SNTG1: variants seen among roughly 807,000 people sequenced by gnomAD.
SNTG1 encodes the protein syntrophin gamma 1, also known as gamma-1-syntrophin.
Under a neutral mutation model 74.7 loss-of-function variants are expected in SNTG1, and 39 were observed. The ratio of observed to expected loss-of-function variants is 0.52; its 90% CI spans 0.40 to 0.68. SNTG1 has a LOEUF of 0.68. SNTG1 is among the 30% of genes least tolerant of loss of function. The pLI, the probability that SNTG1 is intolerant of heterozygous loss-of-function variation, is 0.00. For missense variants in SNTG1, 685 were observed against 609.5 expected (o/e 1.12, Z -1.30); for synonymous variants, 254 against 217.1 (o/e 1.17, Z -1.49).
intron 2 of SNTG1, chr8:50,286,868 G>T (rs1460613390): frequency 1.3e-5 from 2 of 152,178 alleles, no homozygotes; most frequent in African/African-American, 4.8e-5. Context: ...TCTGCCCCAT[G>T]ACTCAGCTGA....
chr8:49,951,873 C>CAAAAAAAAAAAAAAAAAAAAAAA (rs5891338), intron 1 of SNTG1, among the ~76,000 whole-genome samples: 15 of 56,300 alleles, frequency 2.7e-4, no homozygotes, highest in Non-Finnish European at 3.0e-4. Context: ...GGAAAATTCA[C>CAAAAAAAAAAAAAAAAAAAAAAA]AAAAAAAAAA....
chr8:50,332,508 A>T (rs964970705), intron 2 of SNTG1, among the ~76,000 whole-genome samples: 5 of 152,080 alleles, frequency 3.3e-5, no homozygotes, highest in Admixed American at 3.3e-4. Flanking sequence ...GTGTGAATCA[A>T]GTTTGTTTGG....
chr8:50,096,429 G>A (rs2079932878), intron 1 of SNTG1, among the ~76,000 whole-genome samples: 2 of 152,154 alleles, frequency 1.3e-5, no homozygotes, highest in Admixed American at 6.6e-5. Flanking sequence ...TGTGAAGGAG[G>A]CGATGGGGAA....
intron 1 of SNTG1, among the ~76,000 whole-genome samples, chr8:50,032,225 T>C (rs1817797233): frequency 6.6e-6 from 1 of 152,094 alleles, no homozygotes; most frequent in Non-Finnish European, 1.5e-5. Context: ...ATTCTATTGA[T>C]ATTTCTGGAA....
intron 18 of SNTG1, among the ~76,000 whole-genome samples, chr8:50,792,022 G>A (rs569522528): frequency 6.6e-6 from 1 of 150,562 alleles, no homozygotes; most frequent in South Asian, 2.1e-4. Flanking sequence ...ATTTCCTTTG[G>A]TATTTAAATG....
chr8:50,200,539 C>T (rs935299922), intron 2 of SNTG1, among the ~76,000 whole-genome samples: 1 of 152,146 alleles, frequency 6.6e-6, no homozygotes, highest in Admixed American at 6.5e-5. Context: ...TCTCTGCTCT[C>T]TCTTAAAATC....
intron 15 of SNTG1, among the ~76,000 whole-genome samples, chr8:50,681,298 A>T (rs777123500): frequency 5.9e-5 from 9 of 151,734 alleles, no homozygotes; most frequent in Non-Finnish European, 1.0e-4. Flanking sequence ...GTTTTTTTTT[A>T]AATGTCATTT....
intron 5 of SNTG1, among the ~76,000 whole-genome samples, chr8:50,445,663 C>G (rs1417061705): frequency 1.3e-5 from 2 of 152,152 alleles, no homozygotes; most frequent in East Asian, 3.9e-4. Flanking sequence ...TGCTTTAGAA[C>G]ACTGCCTTCC....
rs772853399 is a variant in SNTG1 at position 50,530,163 on chromosome 8, T to G, written c.467-14T>G. The G allele has an allele frequency of 3.1e-6, 5 of 1,612,736 alleles. No individual in the cohort carries two copies. Among genetic ancestry groups the G allele is most frequent in the Non-Finnish European group, 4.2e-6 (5 of 1,178,912 alleles). ...ATTCTCACCAGTGGAATGTTATGAT[T>G]TTGTCTCCTGCAGGTGCTCCAAGTG... On this transcript the variant is annotated splice_polypyrimidine_tract_variant and intron_variant, in intron 9 of 18. Transcript: ENST00000642720.
chr8:49,971,628 T>C (rs994142383), intron 1 of SNTG1, among the ~76,000 whole-genome samples: 1 of 152,074 alleles, frequency 6.6e-6, no homozygotes, highest in Non-Finnish European at 1.5e-5. Context: ...ATTGTCTCAG[T>C]CCAAAATCTC....
intron 16 of SNTG1, among the ~76,000 whole-genome samples, chr8:50,706,679 A>T (rs2095444430): frequency 6.6e-6 from 1 of 152,132 alleles, no homozygotes; most frequent in Non-Finnish European, 1.5e-5. Context: ...TTTAGCTTTT[A>T]GTTGTTCTAC....
At chr8:50,516,689 A>G (rs1276110415) in intron 9 of SNTG1, among the ~76,000 whole-genome samples, 1 of 152,194 alleles carries the variant, frequency 6.6e-6, no homozygotes, top group Non-Finnish European at 1.5e-5. Context: ...AGAAGAAAGG[A>G]TATCAGAGAT....
At chr8:50,757,923 T>C (rs1254400196) in intron 18 of SNTG1, among the ~76,000 whole-genome samples, 2 of 151,902 alleles carry the variant, frequency 1.3e-5, no homozygotes, top group African/African-American at 4.8e-5. Context: ...AAAACAACAC[T>C]ACACTGATTC....
chr8:50,194,893 T>A (rs1451271800), intron 2 of SNTG1, among the ~76,000 whole-genome samples: 3 of 152,090 alleles, frequency 2.0e-5, no homozygotes, highest in African/African-American at 7.2e-5. Flanking sequence ...TTCGAAGAAT[T>A]TTTTTACTTC....
chr8:50,378,947 C>T (rs1473941409), intron 2 of SNTG1, among the ~76,000 whole-genome samples: 1 of 152,092 alleles, frequency 6.6e-6, no homozygotes. Context: ...GACAGCCTGT[C>T]CCCCAGCCTT....
At chr8:50,005,820 C>T (rs946485681) in intron 1 of SNTG1, among the ~76,000 whole-genome samples, 1 of 151,876 alleles carries the variant, frequency 6.6e-6, no homozygotes. Flanking sequence ...ATTTTTCTCT[C>T]TACTGTTTCC....
At chr8:50,539,873 T>A (rs2094334153) in intron 11 of SNTG1, among the ~76,000 whole-genome samples, 1 of 152,210 alleles carries the variant, frequency 6.6e-6, no homozygotes. Flanking sequence ...TTTTGTTTTG[T>A]TTTTATTGTA....
intron 1 of SNTG1, among the ~76,000 whole-genome samples, chr8:50,098,825 T>A (rs1168097868): frequency 1.3e-5 from 2 of 152,156 alleles, no homozygotes; most frequent in Non-Finnish European, 2.9e-5. Flanking sequence ...TGTTCTAGGT[T>A]TTGAAGATTT....
intron 17 of SNTG1, among the ~76,000 whole-genome samples, chr8:50,739,125 C>T (rs532124892): frequency 2.0e-5 from 3 of 147,600 alleles, no homozygotes; most frequent in South Asian, 4.3e-4. Flanking sequence ...GATGAACAGG[C>T]CATCTACACA....
Sources: allele counts gnomAD v4.1 joint callset (sites outside exome capture counted in the v4.1 genomes callset), GRCh38; gene constraint gnomAD v4.1.1; transcripts MANE v1.5; gene names NCBI Gene and HGNC (gene_info 2026-07-23, HGNC 2026-07-21).